XKR9: variants seen among roughly 807,000 people sequenced by gnomAD.
XKR9 encodes XK-related protein 9.
Under a neutral mutation model 32.0 loss-of-function variants are expected in XKR9, and 32 were observed. The ratio of observed to expected loss-of-function variants is 1.00; its 90% CI spans 0.76 to 1.34. The LOEUF is 1.34. XKR9 is among the 40% of genes most tolerant of loss of function. The pLI, the probability that XKR9 is intolerant of heterozygous loss-of-function variation, is 0.00. For synonymous variants in XKR9, 168 were observed against 143.4 expected (o/e 1.17, Z -1.22); for missense variants, 546 against 429.7 (o/e 1.27, Z -2.39).
intron 2 of XKR9, among the ~76,000 whole-genome samples, chr8:70,789,052 T>C (rs1807728500): frequency 6.6e-6 from 1 of 152,072 alleles, no homozygotes; most frequent in Admixed American, 6.6e-5. Flanking sequence ...AAAATGCTAT[T>C]TAATCAAACT....
At chr8:70,816,571 G>A in the XKR9 span, among the ~76,000 whole-genome samples, 1 of 152,196 alleles carries the variant, frequency 6.6e-6, no homozygotes, top group African/African-American at 2.4e-5. Flanking sequence ...ACCAAGGCAT[G>A]TAGTCACCAG....
At chr8:70,854,646 A>C in the XKR9 span, among the ~76,000 whole-genome samples, 1 of 152,080 alleles carries the variant, frequency 6.6e-6, no homozygotes, top group Admixed American at 6.6e-5. Flanking sequence ...TAGGGTTTTT[A>C]TGGTTTTAGG....
At chr8:71,041,680 G>A in the XKR9 span, among the ~76,000 whole-genome samples, 1 of 151,974 alleles carries the variant, frequency 6.6e-6, no homozygotes, top group African/African-American at 2.4e-5. Flanking sequence ...TAACAGTGAG[G>A]GCATTCTCAT....
chr8:70,764,682 G>A (rs2130216717), intron 2 of XKR9, among the ~76,000 whole-genome samples: 1 of 152,136 alleles, frequency 6.6e-6, no homozygotes, highest in Middle Eastern at 3.4e-3. Flanking sequence ...ATGGTGGTTT[G>A]CTGCACCCAT....
At chr8:70,809,276 A>G in the XKR9 span, among the ~76,000 whole-genome samples, 2 of 152,230 alleles carry the variant, frequency 1.3e-5, no homozygotes, top group Non-Finnish European at 2.9e-5. Context: ...AAGGACATCC[A>G]CACCAAAACC....
At chr8:70,974,944 G>A in the XKR9 span, among the ~76,000 whole-genome samples, 3 of 152,198 alleles carry the variant, frequency 2.0e-5, no homozygotes, top group Non-Finnish European at 4.4e-5. Flanking sequence ...ACTGGTGTGA[G>A]ATGGTATCTC....
At chr8:70,742,325 T>C (rs1806999220) in intron 2 of XKR9, among the ~76,000 whole-genome samples, 1 of 152,224 alleles carries the variant, frequency 6.6e-6, no homozygotes, top group Non-Finnish European at 1.5e-5. Flanking sequence ...ATGATTCTTG[T>C]ATAATTACAT....
the XKR9 span, among the ~76,000 whole-genome samples, chr8:70,885,697 C>T: frequency 2.0e-5 from 3 of 151,960 alleles, no homozygotes; most frequent in Non-Finnish European, 2.9e-5. Context: ...CCCGGGATCA[C>T]GCCATTCTCC....
At chr8:70,908,384 T>G in the XKR9 span, among the ~76,000 whole-genome samples, 4 of 152,290 alleles carry the variant, frequency 2.6e-5, no homozygotes, top group Non-Finnish European at 5.9e-5. Context: ...AATATAACCC[T>G]CTAAATCAGT....
chr8:70,966,294 G>A, the XKR9 span, among the ~76,000 whole-genome samples: 2 of 151,892 alleles, frequency 1.3e-5, no homozygotes, highest in Non-Finnish European at 2.9e-5. Flanking sequence ...TGTCACCCAG[G>A]CTGGGGTTCA....
chr8:70,709,805 A>G (rs1805848244), intron 4 of XKR9, among the ~76,000 whole-genome samples: 1 of 152,242 alleles, frequency 6.6e-6, no homozygotes, highest in Admixed American at 6.5e-5. Flanking sequence ...CGGTGGTGAC[A>G]CAAACAAATG....
the XKR9 span, among the ~76,000 whole-genome samples, chr8:71,058,013 C>T: frequency 6.6e-6 from 1 of 152,044 alleles, no homozygotes; most frequent in Non-Finnish European, 1.5e-5. Flanking sequence ...AACCCCATCT[C>T]TACTGAAAAT....
the XKR9 span, among the ~76,000 whole-genome samples, chr8:70,820,484 A>T: frequency 5.9e-5 from 9 of 152,182 alleles, no homozygotes; most frequent in African/African-American, 2.2e-4. Context: ...ATACAATGAT[A>T]GAGGGAGCAA....
At chr8:70,922,955 G>A in the XKR9 span, among the ~76,000 whole-genome samples, 2 of 152,222 alleles carry the variant, frequency 1.3e-5, no homozygotes, top group African/African-American at 2.4e-5. Context: ...ATCAACTAAC[G>A]ATTAAGATAT....
In XKR9 at chr8:70,680,763, A is replaced by G; in HGVS notation, c.-278-18A>G. 5.2e-6 allele frequency: 1 copy of G among 191,732 alleles called. No individual in the cohort carries two copies. Among genetic ancestry groups the G allele is most frequent in the South Asian group, 1.6e-4 (1 of 6,374 alleles). 11.9% of individuals were successfully genotyped at this position (191,732 alleles called of 1,614,324 possible). A position where few individuals can be genotyped will look rare whatever the true frequency, so the allele number is the denominator to read the frequency against. On this transcript the variant is annotated intron_variant, in intron 2 of 4. Coordinates refer to ENST00000408926, the MANE Select transcript of XKR9 (RefSeq NM_001011720.2). ...ATACTTAAGATATTTTGGAACTTAA[A>G]TATCTGTTTTATTTTAGGTCTTGTC...
chr8:71,012,510 G>C, the XKR9 span, among the ~76,000 whole-genome samples: 3 of 151,998 alleles, frequency 2.0e-5, no homozygotes, highest in South Asian at 6.2e-4. Context: ...ATGTACCCTG[G>C]GAAAGTCAAA....
chr8:70,735,168 T>G lies in XKR9; in HGVS notation c.*744T>G, dbSNP rs909709193. On this transcript the variant is annotated 3_prime_UTR_variant, in exon 5 of 5. Coordinates refer to ENST00000408926, the MANE Select transcript of XKR9 (RefSeq NM_001011720.2). Reference sequence around the variant, plus strand: ...ACTTTGAGTGTACAGTTCATCAGTGTTAACTGTATTCACCTTGTGCAACAG... The same window carrying G: ...ACTTTGAGTGTACAGTTCATCAGTGGTAACTGTATTCACCTTGTGCAACAG... 2.6e-5 allele frequency: 4 copies of G among 152,040 alleles called. No homozygotes were observed. The highest frequency in any genetic ancestry group is 9.7e-5 in the African/African-American group (4 of 41,428). The allele number at this position is 152,040 out of a possible 1,614,324, so 9.4% of individuals were successfully genotyped here. A position where few individuals can be genotyped will look rare whatever the true frequency, so the allele number is the denominator to read the frequency against.
chr8:70,874,450 AAGAT>A, the XKR9 span, among the ~76,000 whole-genome samples: 1 of 152,212 alleles, frequency 6.6e-6, no homozygotes, highest in African/African-American at 2.4e-5. Flanking sequence ...ATAAACCAGT[AAGAT>A]AGTAATATAA....
the XKR9 span, among the ~76,000 whole-genome samples, chr8:70,863,990 T>C: frequency 6.6e-6 from 1 of 152,176 alleles, no homozygotes; most frequent in Non-Finnish European, 1.5e-5. Context: ...GCTGTTTGCA[T>C]ATATAAACAG....
Sources: gnomAD v4.1 joint callset for allele counts (sites outside exome capture counted in the v4.1 genomes callset) on GRCh38, gnomAD v4.1.1 for gene constraint, MANE v1.5 for transcripts, NCBI Gene and HGNC (gene_info 2026-07-23, HGNC 2026-07-21) for gene names.